Variants in CCSER1 observed in about 807,000 individuals in gnomAD.
The protein encoded by CCSER1 is coiled-coil serine rich protein 1, also known as serine-rich coiled-coil domain-containing protein 1.
In CCSER1, 41 loss-of-function variants were observed where a neutral mutation model predicts 82.0. The observed-to-expected ratio is 0.50, with a 90% CI of 0.39 to 0.65. The LOEUF (loss-of-function observed/expected upper bound fraction) is 0.65, where lower values mean the gene tolerates loss of function less well. Among genes scored for constraint, CCSER1 ranks in the 30% least tolerant of loss-of-function variants. The pLI is 0.00. For missense variants in CCSER1, 1,119 were observed against 1,064.2 expected (o/e 1.05, Z -0.72); for synonymous variants, 414 against 383.9 (o/e 1.08, Z -0.92).
intron 10 of CCSER1, among the ~76,000 whole-genome samples, chr4:91,530,171 G>C (rs1240532499): frequency 6.6e-6 from 1 of 152,006 alleles, no homozygotes; most frequent in Non-Finnish European, 1.5e-5. Context: ...AGAGGGCCTT[G>C]AGCCTCAAAA....
chr4:90,638,513 TA>T (rs893933596), intron 6 of CCSER1, among the ~76,000 whole-genome samples: 6 of 152,110 alleles, frequency 3.9e-5, no homozygotes, highest in Admixed American at 2.6e-4. Context: ...TAACATAGGT[TA>T]AAAAAATTTA....
At chr4:90,294,199 T>G (rs79806766) in intron 1 of CCSER1, among the ~76,000 whole-genome samples, 4,773 of 152,142 alleles carry the variant, frequency 0.031, 198 homozygotes, top group African/African-American at 0.095. Context: ...TAAATTTTAC[T>G]ATTAAAATGT....
At chr4:90,984,884 A>C (rs567466565) in intron 9 of CCSER1, among the ~76,000 whole-genome samples, 1 of 151,778 alleles carries the variant, frequency 6.6e-6, no homozygotes, top group African/African-American at 2.4e-5. Flanking sequence ...TCGTTTACCA[A>C]AATATCCCTA....
chr4:91,042,553 G>T (rs1328077897), intron 9 of CCSER1, among the ~76,000 whole-genome samples: 1 of 152,080 alleles, frequency 6.6e-6, no homozygotes, highest in African/African-American at 2.4e-5. Context: ...ATTAATGAAG[G>T]TATACAGGTA....
chr4:91,268,045 G>C lies in CCSER1; in HGVS notation c.2217+182051G>C, dbSNP rs544740340. ...GAAAATGAAAAGAATGTAAAGCTAA[G>C]TCTATCTCAGAAAACATATGTGTTT... On this transcript the variant is annotated intron_variant, in intron 10 of 10. Coordinates refer to ENST00000509176, the MANE Select transcript of CCSER1 (RefSeq NM_001145065.2). Among the ~76,000 whole-genome samples, 10 of 152,218 alleles carry C rather than the reference G, an allele frequency of 6.6e-5. No individual in the cohort carries two copies. The South Asian group carries it at 1.2e-3, about 19-fold the overall frequency.
intron 3 of CCSER1, among the ~76,000 whole-genome samples, chr4:90,385,108 AT>A (rs1749810875): frequency 6.6e-6 from 1 of 152,116 alleles, no homozygotes; most frequent in Admixed American, 6.5e-5. Flanking sequence ...TATATGCCAC[AT>A]TTTCTTTATC....
At chr4:90,776,292 C>T (rs1004467081) in intron 7 of CCSER1, among the ~76,000 whole-genome samples, 3 of 152,148 alleles carry the variant, frequency 2.0e-5, no homozygotes, top group Admixed American at 6.5e-5. Context: ...CTCATAGTTA[C>T]TAAAAGACAA....
At chr4:90,606,847 C>G (rs17017270) in intron 5 of CCSER1, among the ~76,000 whole-genome samples, 5 of 152,076 alleles carry the variant, frequency 3.3e-5, no homozygotes, top group Non-Finnish European at 7.4e-5. Flanking sequence ...TAAACTAGGT[C>G]CATAATGTAT....
chr4:91,100,412 A>G (rs553692910), intron 10 of CCSER1, among the ~76,000 whole-genome samples: 10 of 151,994 alleles, frequency 6.6e-5, no homozygotes, highest in African/African-American at 2.4e-4. Flanking sequence ...TCTTTCCTTC[A>G]TATTTTCTTC....
intron 4 of CCSER1, among the ~76,000 whole-genome samples, chr4:90,436,929 C>A (rs1578458054): frequency 6.6e-6 from 1 of 152,034 alleles, no homozygotes; most frequent in East Asian, 1.9e-4. Context: ...GCCTCAGCCT[C>A]CCGAGTAGCT....
At chr4:91,583,191 T>C (rs888479886) in intron 10 of CCSER1, among the ~76,000 whole-genome samples, 1 of 151,426 alleles carries the variant, frequency 6.6e-6, no homozygotes, top group Non-Finnish European at 1.5e-5. Context: ...ATTATATTTA[T>C]TGTGTTCTTA....
chr4:90,977,731 A>G (rs1735736923), intron 9 of CCSER1, among the ~76,000 whole-genome samples: 1 of 151,664 alleles, frequency 6.6e-6, no homozygotes, highest in Non-Finnish European at 1.5e-5. Flanking sequence ...TTGTTTGTAT[A>G]TCTGCCTTCC....
intron 8 of CCSER1, among the ~76,000 whole-genome samples, chr4:90,903,844 A>C (rs937228362): frequency 9.9e-5 from 15 of 151,874 alleles, no homozygotes; most frequent in African/African-American, 2.7e-4. Context: ...CTCAAAAAAA[A>C]AAAAAAATAG....
chr4:90,973,433 A>G (rs940980948), intron 9 of CCSER1, among the ~76,000 whole-genome samples: 1 of 151,720 alleles, frequency 6.6e-6, no homozygotes, highest in African/African-American at 2.4e-5. Context: ...ACTAATCACC[A>G]GGAAAATACA....
chr4:90,372,292 T>G (rs1469284842), intron 3 of CCSER1, among the ~76,000 whole-genome samples: 1 of 152,204 alleles, frequency 6.6e-6, no homozygotes, highest in Non-Finnish European at 1.5e-5. Context: ...TAACTCACTT[T>G]GAATGGACCA....
chr4:90,741,953 A>AG (rs1746623453), intron 7 of CCSER1, among the ~76,000 whole-genome samples: 1 of 152,236 alleles, frequency 6.6e-6, no homozygotes, highest in East Asian at 1.9e-4. Context: ...TAATTTATAA[A>AG]GGAAATAGGT....
At chr4:90,539,506 G>A (rs1234656903) in intron 5 of CCSER1, among the ~76,000 whole-genome samples, 1 of 151,954 alleles carries the variant, frequency 6.6e-6, no homozygotes, top group Non-Finnish European at 1.5e-5. Flanking sequence ...TAGCTCTTGT[G>A]GCAATTACAC....
intron 3 of CCSER1, among the ~76,000 whole-genome samples, chr4:90,362,691 G>A (rs1745575759): frequency 1.3e-5 from 2 of 152,090 alleles, no homozygotes; most frequent in Non-Finnish European, 2.9e-5. Context: ...ATTCTGCAGA[G>A]AGGCTACCAT....
intron 7 of CCSER1, among the ~76,000 whole-genome samples, chr4:90,758,986 A>G (rs1750008450): frequency 1.3e-5 from 2 of 152,202 alleles, no homozygotes; most frequent in East Asian, 1.9e-4. Context: ...GTAACACCCT[A>G]TACACTCCTT....
Sources: gnomAD v4.1 joint callset for allele counts (sites outside exome capture counted in the v4.1 genomes callset) on GRCh38, gnomAD v4.1.1 for gene constraint, MANE v1.5 for transcripts, NCBI Gene and HGNC (gene_info 2026-07-23, HGNC 2026-07-21) for gene names.